The following MAOB variants were observed in gnomAD, a reference collection of about 807,000 sequenced individuals.
MAOB encodes monoamine oxidase B, also known as amine oxidase [flavin-containing] B.
Under a neutral mutation model 41.9 loss-of-function variants are expected in MAOB, and 15 were observed. That is an observed-to-expected ratio of 0.36 (90% CI 0.24 to 0.55). The LOEUF (loss-of-function observed/expected upper bound fraction) is 0.55. Ranked by LOEUF, MAOB falls within the 20% of genes least tolerant of loss-of-function variation. The pLI, the probability that MAOB is intolerant of heterozygous loss-of-function variation, is 0.86. For missense variants in MAOB, 345 were observed against 398.7 expected (o/e 0.87, Z 1.15); for synonymous variants, 167 against 144.2 (o/e 1.16, Z -1.13).
At chrX:43,856,244 C>T (rs1408194057) in intron 1 of MAOB, among the ~76,000 whole-genome samples, 4 of 110,567 alleles carry the variant, frequency 3.6e-5, no homozygotes, top group South Asian at 3.9e-4. Context: ...CCACCATGAC[C>T]GGCTAATTTT....
rs1041855747 is a variant in MAOB, at chrX:43,882,419, C to A, written c.-120G>T. ...CCGCCGGCCTGCTGCGCGCTGCCCC[C>A]GTGCACCAGCGCCTCGGCGAGCCGC... On this transcript the variant is annotated 5_prime_UTR_variant, in exon 1 of 15. Transcript: ENST00000378069. 15 of 1,042,753 alleles carry A rather than the reference C, an allele frequency of 1.4e-5. No individual in the cohort carries two copies. Among genetic ancestry groups the A allele is most frequent in the Admixed American group, 8.0e-5 (2 of 25,091 alleles). The allele number at this position is 1,042,753 out of a possible 1,213,427, so 85.9% of individuals were successfully genotyped here.
intron 2 of MAOB, among the ~76,000 whole-genome samples, chrX:43,842,528 A>G (rs982304354): frequency 2.7e-5 from 3 of 112,354 alleles, no homozygotes; most frequent in Non-Finnish European, 5.6e-5. Flanking sequence ...AAAATGGAAA[A>G]CTAAAAATAG....
chrX:43,771,204 A>G (rs774645065), intron 12 of MAOB, among the ~76,000 whole-genome samples: 92 of 112,290 alleles, frequency 8.2e-4, no homozygotes, highest in Non-Finnish European at 1.6e-3. Context: ...AACAATACAC[A>G]TTCAGTAGAA....
chrX:43,837,792 A>C (rs909069936), intron 3 of MAOB: 3 of 319,029 alleles, frequency 9.4e-6, no homozygotes, highest in African/African-American at 8.0e-5. Flanking sequence ...GGAGCAAGTG[A>C]AGATGAGAGA....
At chrX:43,824,725 C>T (rs185814451) in intron 3 of MAOB, among the ~76,000 whole-genome samples, 3 of 112,291 alleles carry the variant, frequency 2.7e-5, no homozygotes, top group African/African-American at 9.7e-5. Context: ...TTGTATCTGC[C>T]CCCAAAGAAA....
intron 3 of MAOB, among the ~76,000 whole-genome samples, chrX:43,838,516 G>A (rs182192755): frequency 1.8e-5 from 2 of 112,273 alleles, no homozygotes; most frequent in African/African-American, 3.2e-5. Context: ...GTGCAGTCTA[G>A]GGCAGCATTT....
intron 6 of MAOB, 146 bp downstream of exon 6, chrX:43,796,979 T>C: frequency 1.8e-6 from 1 of 550,882 alleles, no homozygotes; most frequent in Admixed American, 3.9e-5. Flanking sequence ...CAGACTGCCT[T>C]ACAAGAAACA....
chrX:43,781,640 C>G (rs1416350816), intron 8 of MAOB, 96 bp from the exon 9 acceptor site: 1 of 433,721 alleles, frequency 2.3e-6, no homozygotes, highest in Non-Finnish European at 3.8e-6. Flanking sequence ...TTGAGAAGCC[C>G]AAAGGCCAAA....
At chrX:43,870,697 A>T (rs1330448051) in intron 1 of MAOB, among the ~76,000 whole-genome samples, 1 of 101,492 alleles carries the variant, frequency 9.9e-6, no homozygotes, top group Admixed American at 1.1e-4. Flanking sequence ...TGGGAGGCTG[A>T]GGCAGGAGAA....
intron 1 of MAOB, among the ~76,000 whole-genome samples, chrX:43,880,730 G>T (rs1042192040): frequency 8.9e-6 from 1 of 112,212 alleles, no homozygotes; most frequent in Non-Finnish European, 1.9e-5. Flanking sequence ...CATGAGTAAT[G>T]TGATTGAACC....
At chrX:43,835,217 A>G (rs1336602883) in intron 3 of MAOB, among the ~76,000 whole-genome samples, 1 of 112,512 alleles carries the variant, frequency 8.9e-6, no homozygotes, top group Non-Finnish European at 1.9e-5. Flanking sequence ...TTTTGTTTTT[A>G]TCTTTTTCTT....
At chrX:43,842,295 G>T (rs1213311126) in intron 2 of MAOB, among the ~76,000 whole-genome samples, 1 of 112,015 alleles carries the variant, frequency 8.9e-6, no homozygotes, top group African/African-American at 3.2e-5. Flanking sequence ...ATGGCCAACA[G>T]GTTCATGGAA....
intron 3 of MAOB, among the ~76,000 whole-genome samples, chrX:43,834,975 C>T (rs893696564): frequency 8.9e-6 from 1 of 112,007 alleles, no homozygotes; most frequent in South Asian, 3.7e-4. Context: ...ACCTTCAGAC[C>T]TAGAGCAGTT....
At chrX:43,782,494 A>G (rs1212308387) in intron 8 of MAOB, among the ~76,000 whole-genome samples, 1 of 111,497 alleles carries the variant, frequency 9.0e-6, no homozygotes, top group East Asian at 2.8e-4. Context: ...TTGAGGCAGT[A>G]ATTAATAGTC....
intron 1 of MAOB, 54 bp from the exon 2 acceptor site, chrX:43,843,818 C>T (rs1339350714): frequency 1.3e-5 from 15 of 1,187,147 alleles, no homozygotes; most frequent in South Asian, 2.0e-5. Context: ...GCCAGACAAG[C>T]TCCTCATGCT....
chrX:43,768,543 T>A, intron 14 of MAOB, 111 bp downstream of exon 14: 2 of 585,827 alleles, frequency 3.4e-6, no homozygotes, highest in Non-Finnish European at 5.6e-6. Context: ...TTTAAATCAC[T>A]TAGTTGAATC....
At chrX:43,769,870 T>C (rs1322384343) in intron 12 of MAOB, among the ~76,000 whole-genome samples, 2 of 111,655 alleles carry the variant, frequency 1.8e-5, no homozygotes, top group East Asian at 5.7e-4. Context: ...GGTCCACTGA[T>C]TTCTAAGACC....
intron 1 of MAOB, among the ~76,000 whole-genome samples, chrX:43,852,693 C>A (rs757312313): frequency 8.9e-6 from 1 of 111,885 alleles, no homozygotes; most frequent in Non-Finnish European, 1.9e-5. Context: ...TACTATATAC[C>A]ATTTATATAA....
Position 43,795,772 on chromosome X carries a change from G to A in MAOB, c.735C>T (p.Val245=), listed in dbSNP as rs745913762. The A allele has an allele frequency of 8.3e-7, 1 of 1,209,798 alleles. No individual in the cohort carries two copies. The highest frequency in any genetic ancestry group is 1.1e-6 in the Non-Finnish European group (1 of 894,070). The change falls in exon 7 of 15, where the codon GTC becomes GTT. Residue 245 remains valine, a synonymous_variant. Transcript: ENST00000378069. Reference sequence around the variant, plus strand: ...TCTCATGGTTTAGGGTCTCCACAAGGACATTTTCTCTTGTCTGGTCAATGT... The same window carrying A: ...TCTCATGGTTTAGGGTCTCCACAAGAACATTTTCTCTTGTCTGGTCAATGT... ...VIYIDQTREN[V]LVETLNHEMY...
Sources: gnomAD v4.1 joint callset for allele counts (sites outside exome capture counted in the v4.1 genomes callset) on GRCh38, gnomAD v4.1.1 for gene constraint, MANE v1.5 for transcripts, NCBI Gene and HGNC (gene_info 2026-07-23, HGNC 2026-07-21) for gene names.